Variants in PRDM11 observed in about 807,000 individuals in gnomAD.
PRDM11 encodes PR domain-containing protein 11.
A neutral mutation model predicts 97.8 loss-of-function variants in PRDM11; 20 were observed. The observed-to-expected ratio is 0.20, with a 90% CI of 0.14 to 0.30. The LOEUF (loss-of-function observed/expected upper bound fraction) is 0.30, where lower values mean the gene tolerates loss of function less well. Ranked by LOEUF, PRDM11 falls within the 10% of genes least tolerant of loss-of-function variation. The probability of loss-of-function intolerance (pLI) is 1.00; values close to 1 mark genes in which losing one functional copy is unlikely to be tolerated. For synonymous variants in PRDM11, 599 were observed against 637.7 expected (o/e 0.94, Z 0.91); for missense variants, 1,139 against 1,555.2 (o/e 0.73, Z 4.50).
At chr11:45,134,200 GGC>G (rs1852780574) in intron 1 of PRDM11, among the ~76,000 whole-genome samples, 1 of 151,906 alleles carries the variant, frequency 6.6e-6, no homozygotes, top group Non-Finnish European at 1.5e-5. Flanking sequence ...GTGAGTCAGT[GGC>G]CTGAACTGAA....
At chr11:45,144,154 A>G (rs1851460078), upstream of PRDM11, among the ~76,000 whole-genome samples, 1 of 152,196 alleles carries the variant, frequency 6.6e-6, no homozygotes, top group South Asian at 2.1e-4. Context: ...GGCCTTGACT[A>G]TGTAACTACA....
chr11:45,184,234 C>A (rs1852621145), intron 4 of PRDM11, among the ~76,000 whole-genome samples: 1 of 152,206 alleles, frequency 6.6e-6, no homozygotes, highest in Non-Finnish European at 1.5e-5. Context: ...GCAGCACACA[C>A]AGGGGCCTGG....
At chr11:45,098,861 G>C (rs796861042) in intron 1 of PRDM11, among the ~76,000 whole-genome samples, 24 of 152,302 alleles carry the variant, frequency 1.6e-4, no homozygotes, top group African/African-American at 5.8e-4. Context: ...GGTGAGGCTA[G>C]AAGACCCCCA....
At chr11:45,128,949 T>C (rs1046393808) in intron 1 of PRDM11, among the ~76,000 whole-genome samples, 1 of 152,138 alleles carries the variant, frequency 6.6e-6, no homozygotes, top group Non-Finnish European at 1.5e-5. Context: ...TCAAACGTAG[T>C]GACATACAAA....
At chr11:45,154,454 C>G (rs756950429) in intron 1 of PRDM11, among the ~76,000 whole-genome samples, 1 of 152,190 alleles carries the variant, frequency 6.6e-6, no homozygotes, top group Non-Finnish European at 1.5e-5. Flanking sequence ...AAGTTGCGGA[C>G]ACATTCAAAC....
rs12284779 is a variant in PRDM11 at position 45,201,958 on chromosome 11, C to T, written c.487-2753C>T. Among the ~76,000 whole-genome samples the T allele has an allele frequency of 4.4e-3, 669 of 151,724 alleles. 6 individuals are homozygous for T. Among genetic ancestry groups the T allele is most frequent in the African/African-American group, 0.015 (621 of 41,310 alleles). On this transcript the variant is annotated intron_variant, in intron 4 of 7. Transcript: ENST00000683152. ...CTGCACTCCAGCCTGGGTGATGGAGCGAGACTCTGTCTCAAAAAAAAAAAA... is the reference window on the plus strand; with the variant it reads ...CTGCACTCCAGCCTGGGTGATGGAGTGAGACTCTGTCTCAAAAAAAAAAAA...
chr11:45,225,488 A>G (rs1169041803), intron 7 of PRDM11, among the ~76,000 whole-genome samples: 1 of 152,194 alleles, frequency 6.6e-6, no homozygotes, highest in Non-Finnish European at 1.5e-5. Flanking sequence ...CACATCCCTT[A>G]GCTCAGAATG....
chr11:45,232,554 G>C lies in PRDM11; in HGVS notation c.*4395G>C, dbSNP rs909703357. 6 of 152,322 alleles carry C rather than the reference G, an allele frequency of 3.9e-5. No individual in the cohort carries two copies. Among genetic ancestry groups the C allele is most frequent in the Non-Finnish European group, 7.3e-5 (5 of 68,154 alleles). The allele number at this position is 152,322 out of a possible 1,614,324, so 9.4% of individuals were successfully genotyped here. A position where few individuals can be genotyped will look rare whatever the true frequency, so the allele number is the denominator to read the frequency against. ...CAGGCTGAAACAGCTGAAACAGGCA[G>C]GCCAGTCCTCCTCAGACAAGAAAGG... is the stretch of plus-strand genomic sequence containing the variant. On this transcript the variant is annotated 3_prime_UTR_variant, in exon 8 of 8. Coordinates refer to ENST00000683152, the MANE Select transcript of PRDM11 (RefSeq NM_001384648.1).
chr11:45,153,634 C>T (rs958025043), intron 1 of PRDM11, among the ~76,000 whole-genome samples: 5 of 152,196 alleles, frequency 3.3e-5, no homozygotes, highest in African/African-American at 9.7e-5. Flanking sequence ...GGTGATCTGG[C>T]CACAGCCTCA....
intron 1 of PRDM11, among the ~76,000 whole-genome samples, chr11:45,177,448 G>C (rs1354225302): frequency 2.0e-5 from 3 of 152,230 alleles, no homozygotes; most frequent in Non-Finnish European, 4.4e-5. Flanking sequence ...AGGCCTTAGA[G>C]TGTCTGCTGA....
intron 1 of PRDM11, among the ~76,000 whole-genome samples, chr11:45,161,052 G>GA (rs1259820072): frequency 2.0e-5 from 3 of 152,176 alleles, no homozygotes; most frequent in Non-Finnish European, 2.9e-5. Context: ...TCCTGGCTCA[G>GA]CCCCTTACCA....
At chr11:45,149,239 T>A (rs1457061261) in intron 1 of PRDM11, among the ~76,000 whole-genome samples, 1 of 152,248 alleles carries the variant, frequency 6.6e-6, no homozygotes, top group Non-Finnish European at 1.5e-5. Flanking sequence ...GGCATCCCAT[T>A]TCCTGCTTTA....
rs778272750 is a variant in PRDM11, at chr11:45,182,257, C to T, written c.131C>T (p.Pro44Leu). ...TCTGCCCTGGCCAGCTCTAGGAGAC[C>T]GGACTCCTCGGCCATGGAAGTTGAG... is the stretch of plus-strand genomic sequence containing the variant. ...QEYGQPCSRR[P>L]DSSAMEVEPK... Residue 44 changes from proline to leucine, a missense_variant, in exon 3 of 8, where the codon CCG becomes CTG. Physicochemically the swap from Pro to Leu is moderately conservative, Grantham distance 98. Transcript: ENST00000683152. The T allele has an allele frequency of 6.2e-6, 10 of 1,613,744 alleles. No individual in the cohort carries two copies. Among genetic ancestry groups the T allele is most frequent in the South Asian group, 1.1e-5 (1 of 91,072 alleles).
At chr11:45,151,893 G>A (rs1851669849) in intron 1 of PRDM11, among the ~76,000 whole-genome samples, 1 of 152,112 alleles carries the variant, frequency 6.6e-6, no homozygotes, top group Non-Finnish European at 1.5e-5. Flanking sequence ...GGGAGGAGAT[G>A]GAGGTGGATG....
intron 1 of PRDM11, among the ~76,000 whole-genome samples, chr11:45,160,361 A>G (rs1851899424): frequency 6.6e-6 from 1 of 152,246 alleles, no homozygotes. Flanking sequence ...TAACAAATAA[A>G]CTAAAGTCTT....
chr11:45,166,264 G>A (rs1241420982), intron 1 of PRDM11, among the ~76,000 whole-genome samples: 1 of 152,162 alleles, frequency 6.6e-6, no homozygotes, highest in South Asian at 2.1e-4. Context: ...GCAGGCTGTT[G>A]TATGAGGTGG....
chr11:45,197,342 G>A (rs1357735861), intron 4 of PRDM11, among the ~76,000 whole-genome samples: 2 of 152,118 alleles, frequency 1.3e-5, no homozygotes, highest in African/African-American at 4.8e-5. Context: ...CAGTGGCTGG[G>A]AAAGAGGGAA....
chr11:45,168,554 T>C lies in PRDM11; in HGVS notation c.-6-13207T>C, dbSNP rs542705906. Among the ~76,000 whole-genome samples, 4 of 152,262 alleles carry C rather than the reference T, an allele frequency of 2.6e-5. No individual in the cohort carries two copies. The East Asian group carries it at 5.8e-4, about 22-fold the overall frequency. Reference sequence around the variant, plus strand: ...GTTTCCTCCCCTCTGGGTCTCACTTTCCTTGTCTAGAAAGGTGGGGCTTGG... The same window carrying C: ...GTTTCCTCCCCTCTGGGTCTCACTTCCCTTGTCTAGAAAGGTGGGGCTTGG... On this transcript the variant is annotated intron_variant, in intron 1 of 7. Coordinates refer to ENST00000683152, the MANE Select transcript of PRDM11 (RefSeq NM_001384648.1).
upstream of PRDM11, among the ~76,000 whole-genome samples, chr11:45,144,837 C>T (rs1325118233): frequency 6.6e-6 from 1 of 152,206 alleles, no homozygotes; most frequent in East Asian, 1.9e-4. Flanking sequence ...TTTTCTCGGC[C>T]GGGCACTTGG....
Sources: allele counts gnomAD v4.1 joint callset (sites outside exome capture counted in the v4.1 genomes callset), GRCh38; gene constraint gnomAD v4.1.1; transcripts MANE v1.5; gene names NCBI Gene and HGNC (gene_info 2026-07-23, HGNC 2026-07-21).